The following VEPH1 variants were observed in gnomAD, a reference collection of about 807,000 sequenced individuals.
VEPH1 encodes the protein ventricular zone expressed PH domain containing 1, also known as ventricular zone-expressed PH domain-containing protein homolog 1.
Under a neutral mutation model 85.2 loss-of-function variants are expected in VEPH1, and 80 were observed. That is an observed-to-expected ratio of 0.94 (90% confidence interval 0.78 to 1.13). VEPH1 has a LOEUF of 1.13. Among genes scored for constraint, VEPH1 ranks in the 50% most tolerant of loss-of-function variants. VEPH1 has a pLI of 0.00. For missense variants in VEPH1, 955 were observed against 980.5 expected (o/e 0.97, Z 0.35); for synonymous variants, 297 against 348.0 (o/e 0.85, Z 1.63).
intron 9 of VEPH1, among the ~76,000 whole-genome samples, chr3:157,337,013 AT>A (rs1247260796): frequency 4.6e-5 from 7 of 151,314 alleles, no homozygotes; most frequent in Non-Finnish European, 1.0e-4. Flanking sequence ...TAATATAAAC[AT>A]TTTTCTGTAT....
intron 2 of VEPH1, among the ~76,000 whole-genome samples, chr3:157,481,891 T>A (rs763323073): frequency 3.4e-4 from 51 of 149,294 alleles, no homozygotes; most frequent in Non-Finnish European, 6.8e-4. Context: ...AAAACATTGC[T>A]AAGTTTTTGA....
intron 9 of VEPH1, among the ~76,000 whole-genome samples, chr3:157,357,998 T>A (rs1182846387): frequency 6.6e-6 from 1 of 152,226 alleles, no homozygotes; most frequent in African/African-American, 2.4e-5. Context: ...CGCCCGAGTC[T>A]TGCACCTACT....
intron 6 of VEPH1, among the ~76,000 whole-genome samples, chr3:157,398,718 C>T (rs1255473576): frequency 1.3e-5 from 2 of 152,062 alleles, no homozygotes; most frequent in African/African-American, 4.8e-5. Context: ...CTATGATTCA[C>T]CTATGAGGAC....
intron 5 of VEPH1, among the ~76,000 whole-genome samples, chr3:157,422,599 C>T (rs528193020): frequency 1.3e-5 from 2 of 152,246 alleles, no homozygotes; most frequent in South Asian, 2.1e-4. Flanking sequence ...TCTAGGTGAT[C>T]GAGTAATCCT....
At chr3:157,366,421 AAACAAGAAAG>A (rs1216105231) in intron 7 of VEPH1, among the ~76,000 whole-genome samples, 1 of 151,582 alleles carries the variant, frequency 6.6e-6, no homozygotes, top group East Asian at 1.9e-4. Context: ...ATCCTTAAAA[AAACAAGAAAG>A]AAAAAGAAAG....
At chr3:157,365,741 C>T (rs561218804) in intron 7 of VEPH1, among the ~76,000 whole-genome samples, 3 of 152,172 alleles carry the variant, frequency 2.0e-5, no homozygotes, top group Admixed American at 1.3e-4. Context: ...CAGAAACACC[C>T]CAGTAGAAGA....
intron 4 of VEPH1, chr3:157,437,530 G>C (rs776574922): frequency 2.5e-6 from 4 of 1,605,952 alleles, no homozygotes; most frequent in East Asian, 2.2e-5. Context: ...GTGCGCCTGC[G>C]GTCAGGAGCA....
intron 4 of VEPH1, among the ~76,000 whole-genome samples, chr3:157,454,837 A>G (rs1560075134): frequency 6.6e-6 from 1 of 152,166 alleles, no homozygotes; most frequent in African/African-American, 2.4e-5. Flanking sequence ...GTTCCCACTT[A>G]TAAGTGAAAA....
chr3:157,373,252 T>G lies in VEPH1; in HGVS notation c.1127+7904A>C, dbSNP rs183311694. On this transcript the variant is annotated intron_variant, in intron 7 of 13. Coordinates refer to ENST00000362010, the MANE Select transcript of VEPH1 (RefSeq NM_001167912.2). ...CTAAGTAGGTGTGATTCAGGTTACA[T>G]CTGAATCTACCCCAGGAATAAGTAA... Among the ~76,000 whole-genome samples, 4 of 152,270 alleles carry G rather than the reference T, an allele frequency of 2.6e-5. No individual in the cohort carries two copies. In the East Asian group the frequency reaches 7.7e-4, roughly 29 times the overall value.
chr3:157,474,667 A>G (rs1737282872), intron 2 of VEPH1, among the ~76,000 whole-genome samples: 2 of 152,200 alleles, frequency 1.3e-5, no homozygotes, highest in Non-Finnish European at 2.9e-5. Context: ...TGTAGACTTC[A>G]CAGGTCTTCA....
At chr3:157,470,587 G>A (rs1350072183) in intron 2 of VEPH1, 58 bp from the exon 3 acceptor site, 1 of 1,541,890 alleles carries the variant, frequency 6.5e-7, no homozygotes, top group East Asian at 2.2e-5. Flanking sequence ...TCCTTCAAAG[G>A]ACAAAATACT....
intron 2 of VEPH1, among the ~76,000 whole-genome samples, chr3:157,479,619 T>C (rs913497932): frequency 1.4e-4 from 21 of 152,150 alleles, no homozygotes; most frequent in African/African-American, 5.1e-4. Context: ...AAGGATGTAA[T>C]CATTTCTCCC....
At chr3:157,437,506 A>G in intron 4 of VEPH1, 1 of 1,600,724 alleles carries the variant, frequency 6.2e-7, no homozygotes, top group Non-Finnish European at 8.5e-7. Flanking sequence ...TGTATCCCGT[A>G]CTCTAGCCAC....
chr3:157,282,964 T>C (rs1192626258), intron 12 of VEPH1, among the ~76,000 whole-genome samples: 2 of 152,222 alleles, frequency 1.3e-5, no homozygotes, highest in African/African-American at 2.4e-5. Flanking sequence ...TTTTATAAAA[T>C]GATTATCAGA....
intron 6 of VEPH1, among the ~76,000 whole-genome samples, chr3:157,393,781 G>A (rs1577550792): frequency 6.6e-6 from 1 of 152,190 alleles, no homozygotes; most frequent in Middle Eastern, 3.4e-3. Flanking sequence ...GGTTTTAAAA[G>A]CCATTTTTAA....
intron 4 of VEPH1, among the ~76,000 whole-genome samples, chr3:157,451,309 T>A (rs928870252): frequency 2.0e-5 from 3 of 152,228 alleles, no homozygotes; most frequent in African/African-American, 7.2e-5. Flanking sequence ...CCTTAACTTT[T>A]AAGTATGAAT....
At position 157,260,279 on chromosome 3, in the gene VEPH1, T is replaced by C. The variant is rs751973781; in HGVS notation, c.*855A>G. 1.3e-5 allele frequency: 2 copies of C among 152,200 alleles called. No individual in the cohort carries two copies. Among genetic ancestry groups the C allele is most frequent in the Non-Finnish European group, 2.9e-5 (2 of 68,026 alleles). The allele number at this position is 152,200 out of a possible 1,614,324, so 9.4% of individuals were successfully genotyped here. A position where few individuals can be genotyped will look rare whatever the true frequency, so the allele number is the denominator to read the frequency against. On this transcript the variant is annotated 3_prime_UTR_variant, in exon 14 of 14. Transcript: ENST00000362010. Reference sequence around the variant, plus strand: ...CTCTAGAATTCTGTCTATCATAGTGTAATTATATATCTATGTAGTGAAAAA... The same window carrying C: ...CTCTAGAATTCTGTCTATCATAGTGCAATTATATATCTATGTAGTGAAAAA...
In VEPH1 at chr3:157,301,556, C is replaced by T. The variant is rs113816626; in HGVS notation, c.2010+12065G>A. 3.7e-3 allele frequency among the ~76,000 whole-genome samples: 557 copies of T among 152,246 alleles called. 4 individuals are homozygous for T. Among genetic ancestry groups the T allele is most frequent in the African/African-American group, 0.012 (511 of 41,538 alleles). ...CATATGCTATGTTTCCTTCTTTACT[C>T]GTTCCTTCTTGTTCCTCCACCTACT... is the stretch of plus-strand genomic sequence containing the variant. On this transcript the variant is annotated intron_variant, in intron 11 of 13. Coordinates refer to ENST00000362010, the MANE Select transcript of VEPH1 (RefSeq NM_001167912.2).
At chr3:157,410,491 C>T (rs904884655) in intron 6 of VEPH1, among the ~76,000 whole-genome samples, 2 of 152,168 alleles carry the variant, frequency 1.3e-5, no homozygotes, top group African/African-American at 4.8e-5. Context: ...GAGATATACA[C>T]ACATGCACAT....
Sources: allele counts gnomAD v4.1 joint callset (sites outside exome capture counted in the v4.1 genomes callset), GRCh38; gene constraint gnomAD v4.1.1; transcripts MANE v1.5; gene names NCBI Gene and HGNC (gene_info 2026-07-23, HGNC 2026-07-21).